The following HSPA12A variants were observed in gnomAD, a reference collection of about 807,000 sequenced individuals.
HSPA12A encodes the protein heat shock 70 kDa protein 12A.
In HSPA12A, 28 loss-of-function variants were observed where a neutral mutation model predicts 69.2. The ratio of observed to expected loss-of-function variants is 0.40; its 90% CI spans 0.30 to 0.55. The LOEUF is 0.55. Ranked by LOEUF, HSPA12A falls within the 20% of genes least tolerant of loss-of-function variation. HSPA12A has a pLI of 0.38. For synonymous variants in HSPA12A, 345 were observed against 370.5 expected (o/e 0.93, Z 0.79); for missense variants, 686 against 900.7 (o/e 0.76, Z 3.05).
intron 6 of HSPA12A, among the ~76,000 whole-genome samples, chr10:116,685,124 G>A (rs1849539924): frequency 6.6e-6 from 1 of 152,316 alleles, no homozygotes; most frequent in African/African-American, 2.4e-5. Context: ...ACCTTGGGAT[G>A]CTGCCTTCAT....
At chr10:116,848,597 T>C (rs983601611) in intron 1 of HSPA12A, among the ~76,000 whole-genome samples, 1 of 152,156 alleles carries the variant, frequency 6.6e-6, no homozygotes, top group South Asian at 2.1e-4. Flanking sequence ...CGCCCACTCC[T>C]GCAGCAGAGG....
intron 10 of HSPA12A, 63 bp from the exon 11 acceptor site, chr10:116,676,565 T>C (rs1433851337): frequency 1.6e-6 from 2 of 1,253,924 alleles, no homozygotes; most frequent in African/African-American, 2.9e-5. Flanking sequence ...CAGGCTTATC[T>C]GCATAGACAC....
chr10:116,793,865 T>C lies in HSPA12A; in HGVS notation c.91+41070A>G, dbSNP rs898533350. On this transcript the variant is annotated intron_variant, in intron 2 of 12. Coordinates refer to the HSPA12A transcript ENST00000635765. ...GAAAAACAGAAAGCATAAAATGAGA[T>C]GGCACATAAAGTCCTAACATATCAA... Among the ~76,000 whole-genome samples, 4 of 152,046 alleles carry C rather than the reference T, an allele frequency of 2.6e-5. No individual in the cohort carries two copies. In the South Asian group the frequency reaches 6.2e-4, roughly 24 times the overall value.
intron 2 of HSPA12A, among the ~76,000 whole-genome samples, chr10:116,812,632 G>A (rs1050733041): frequency 1.3e-5 from 2 of 151,760 alleles, no homozygotes; most frequent in African/African-American, 4.8e-5. Flanking sequence ...CAGCACTGGA[G>A]AGCTGTGGAG....
At chr10:116,849,485 G>C (rs997709440) in intron 1 of HSPA12A, 2 of 1,421,398 alleles carry the variant, frequency 1.4e-6, no homozygotes, top group African/African-American at 2.9e-5. Flanking sequence ...TGGGGGTCGG[G>C]ATCACGTTGC....
chr10:116,794,352 G>T (rs17095255), intron 2 of HSPA12A, among the ~76,000 whole-genome samples: 12,271 of 152,112 alleles, frequency 0.081, 554 homozygotes, highest in East Asian at 0.19. Context: ...ACATAGAAAG[G>T]TTGGAAGTAA....
intron 2 of HSPA12A, among the ~76,000 whole-genome samples, chr10:116,804,436 G>C (rs566262555): frequency 7.9e-5 from 12 of 152,166 alleles, no homozygotes; most frequent in African/African-American, 2.7e-4. Context: ...TCCAGAAGGG[G>C]TCGGAGAACC....
chr10:116,751,032 AAGG>A lies in HSPA12A; in HGVS notation c.92-43750_92-43748del, dbSNP rs1329020794. The A allele has an allele frequency of 1.7e-3, 267 of 153,828 alleles. 1 individual carries two copies. Among genetic ancestry groups the A allele is most frequent in the African/African-American group, 5.5e-3 (225 of 40,716 alleles). 9.5% of individuals were successfully genotyped at this position (153,828 alleles called of 1,614,324 possible). ...CATGAAGAAGAAGAAGAAGAAGAAG[AAGG>A]AGGAGAAGAAAAATGAGAGGAAGAG... On this transcript the variant is annotated intron_variant, in intron 2 of 12. Transcript: ENST00000635765.
chr10:116,799,041 C>G (rs980651679), intron 2 of HSPA12A, among the ~76,000 whole-genome samples: 4 of 152,118 alleles, frequency 2.6e-5, no homozygotes, highest in Non-Finnish European at 5.9e-5. Flanking sequence ...TTACTGGGCC[C>G]CCTGCCACCC....
intron 2 of HSPA12A, among the ~76,000 whole-genome samples, chr10:116,755,206 G>T (rs1843807841): frequency 6.6e-6 from 1 of 152,092 alleles, no homozygotes; most frequent in Non-Finnish European, 1.5e-5. Flanking sequence ...ACTCGTCTTG[G>T]CCTCTCAAAG....
intron 2 of HSPA12A, among the ~76,000 whole-genome samples, chr10:116,705,954 G>A (rs1850234642): frequency 6.9e-6 from 1 of 145,300 alleles, no homozygotes; most frequent in Non-Finnish European, 1.5e-5. Flanking sequence ...GGAGCGCAGT[G>A]GCCCAATCTC....
intron 2 of HSPA12A, among the ~76,000 whole-genome samples, chr10:116,761,867 A>C (rs1185033844): frequency 2.0e-5 from 3 of 148,686 alleles, no homozygotes; most frequent in African/African-American, 4.9e-5. Flanking sequence ...CAGTGATAAC[A>C]AAAAAAAAAG....
chr10:116,754,962 T>TC (rs1428327317), intron 2 of HSPA12A, among the ~76,000 whole-genome samples: 2 of 150,560 alleles, frequency 1.3e-5, no homozygotes, highest in Admixed American at 1.3e-4. Context: ...ATCCATGTAT[T>TC]TTTTTTTTTG....
chr10:116,766,589 A>T (rs1375662325), intron 2 of HSPA12A, among the ~76,000 whole-genome samples: 3 of 152,136 alleles, frequency 2.0e-5, no homozygotes, highest in Non-Finnish European at 4.4e-5. Context: ...AAGAAAGTTC[A>T]TTGCTCCCTC....
At chr10:116,695,713 G>A (rs889747324) in intron 5 of HSPA12A, among the ~76,000 whole-genome samples, 3 of 152,124 alleles carry the variant, frequency 2.0e-5, no homozygotes, top group Non-Finnish European at 4.4e-5. Flanking sequence ...CTACTCGGGA[G>A]GCTGAGGCAG....
intron 2 of HSPA12A, among the ~76,000 whole-genome samples, chr10:116,826,441 T>C (rs1013193993): frequency 6.6e-5 from 10 of 152,098 alleles, no homozygotes; most frequent in Non-Finnish European, 1.3e-4. Context: ...AGCCAGAAAC[T>C]ACAAGCAGAT....
In HSPA12A at chr10:116,678,660, A is replaced by C. The variant is rs910658192; in HGVS notation, c.1286+843T>G. On this transcript the variant is annotated intron_variant, in intron 10 of 11. Transcript: ENST00000369209. ...TACTTGATAATATTGAGGAATTATT[A>C]ATTGTTAAGTGTTATCGTGGTATTG... Among the ~76,000 whole-genome samples the C allele has an allele frequency of 2.0e-4, 30 of 151,436 alleles. 1 individual carries two copies. The highest frequency in any genetic ancestry group is 6.6e-4 in the African/African-American group (27 of 41,074).
intron 1 of HSPA12A, among the ~76,000 whole-genome samples, chr10:116,838,655 C>T (rs1273417533): frequency 1.3e-5 from 2 of 152,134 alleles, no homozygotes; most frequent in African/African-American, 2.4e-5. Flanking sequence ...CATTTTAAAC[C>T]ATCTGACTTC....
intron 6 of HSPA12A, among the ~76,000 whole-genome samples, chr10:116,688,117 G>A (rs747250545): frequency 7.2e-5 from 11 of 152,106 alleles, no homozygotes; most frequent in South Asian, 2.1e-4. Flanking sequence ...TGTTATTAAC[G>A]GTGCAGACAT....
Sources: gnomAD v4.1 joint callset for allele counts (sites outside exome capture counted in the v4.1 genomes callset) on GRCh38, gnomAD v4.1.1 for gene constraint, MANE v1.5 for transcripts, NCBI Gene and HGNC (gene_info 2026-07-23, HGNC 2026-07-21) for gene names.